The following OR2L13 variants were observed in gnomAD, a reference collection of about 807,000 sequenced individuals.
The protein encoded by OR2L13 is olfactory receptor family 2 subfamily L member 13, also known as olfactory receptor 2L13.
In OR2L13, 14 loss-of-function variants were observed where a neutral mutation model predicts 15.3. The ratio of observed to expected loss-of-function variants is 0.91; its 90% CI spans 0.60 to 1.43. OR2L13 has a LOEUF of 1.43. Ranked by LOEUF, OR2L13 falls within the 40% of genes most tolerant of loss-of-function variation. The pLI is 0.00. For synonymous variants in OR2L13, 152 were observed against 142.9 expected (o/e 1.06, Z -0.45); for missense variants, 367 against 387.9 (o/e 0.95, Z 0.45).
the OR2L13 span, among the ~76,000 whole-genome samples, chr1:248,032,841 T>C: frequency 6.6e-6 from 1 of 152,248 alleles, no homozygotes; most frequent in African/African-American, 2.4e-5. Context: ...TTGTGTGTCT[T>C]GTTTCTGTGG....
At chr1:248,029,019 G>A in the OR2L13 span, 12 of 152,204 alleles carry the variant, frequency 7.9e-5, 1 homozygote, top group Admixed American at 5.9e-4. Context: ...TTGAAACATC[G>A]GTACACTTGG....
the OR2L13 span, among the ~76,000 whole-genome samples, chr1:248,008,755 C>T: frequency 6.6e-6 from 1 of 152,148 alleles, no homozygotes; most frequent in African/African-American, 2.4e-5. Flanking sequence ...CAATACATTG[C>T]ACTTATTCTA....
chr1:248,061,593 T>G, the OR2L13 span: 2 of 1,612,418 alleles, frequency 1.2e-6, no homozygotes, highest in Non-Finnish European at 1.7e-6. Flanking sequence ...CACGAGTGAG[T>G]CAGAGAATCT....
At chr1:247,949,079 C>G in the OR2L13 span, 1 of 1,613,972 alleles carries the variant, frequency 6.2e-7, no homozygotes, top group Non-Finnish European at 8.5e-7. Context: ...ATTACATCTC[C>G]ACCATTGTTC....
the OR2L13 span, among the ~76,000 whole-genome samples, chr1:248,063,862 G>T: frequency 6.6e-6 from 1 of 152,182 alleles, no homozygotes; most frequent in Non-Finnish European, 1.5e-5. Flanking sequence ...CGTGGGTGTT[G>T]CCTTAGCCCC....
At chr1:248,084,743 A>C in the OR2L13 span, 1 of 1,267,616 alleles carries the variant, frequency 7.9e-7, no homozygotes, top group South Asian at 1.5e-5. Flanking sequence ...TCTCAGACAC[A>C]GATGGTCTCA....
At chr1:247,949,582 C>T in the OR2L13 span, 4 of 1,614,062 alleles carry the variant, frequency 2.5e-6, no homozygotes, top group East Asian at 2.2e-5. Flanking sequence ...ACCTGCAGCA[C>T]CCACCTCACT....
chr1:248,067,626 A>G, the OR2L13 span, among the ~76,000 whole-genome samples: 1 of 152,174 alleles, frequency 6.6e-6, no homozygotes, highest in Non-Finnish European at 1.5e-5. Context: ...CTCACTAGGG[A>G]GTGCCAGACA....
At chr1:248,008,675 G>T in the OR2L13 span, among the ~76,000 whole-genome samples, 1 of 151,990 alleles carries the variant, frequency 6.6e-6, no homozygotes, top group Non-Finnish European at 1.5e-5. Context: ...CTCAGCTCTG[G>T]ACCAAGCAAA....
At chr1:247,986,271 C>G in the OR2L13 span, among the ~76,000 whole-genome samples, 2 of 152,246 alleles carry the variant, frequency 1.3e-5, no homozygotes, top group East Asian at 3.9e-4. Context: ...TTTAATCCAT[C>G]TTGAATTAAT....
At chr1:247,953,844 C>T in the OR2L13 span, among the ~76,000 whole-genome samples, 4 of 152,136 alleles carry the variant, frequency 2.6e-5, no homozygotes, top group Non-Finnish European at 5.9e-5. Flanking sequence ...AATAAACTAC[C>T]AGAATTAACT....
chr1:248,094,138 A>G (rs1204570118), upstream of OR2L13, among the ~76,000 whole-genome samples: 2 of 152,206 alleles, frequency 1.3e-5, no homozygotes, highest in Non-Finnish European at 2.9e-5. Context: ...TTATTTGCTC[A>G]TTACACATTG....
chr1:248,043,146 G>A, the OR2L13 span, among the ~76,000 whole-genome samples: 8 of 151,974 alleles, frequency 5.3e-5, no homozygotes, highest in African/African-American at 9.7e-5. Flanking sequence ...ATTTGCACCC[G>A]CCCTGCTGCT....
At chr1:247,964,458 C>T in the OR2L13 span, among the ~76,000 whole-genome samples, 1 of 152,122 alleles carries the variant, frequency 6.6e-6, no homozygotes, top group African/African-American at 2.4e-5. Context: ...GAAATTTGCA[C>T]TCTATTGGAA....
chr1:247,969,252 G>T, the OR2L13 span, among the ~76,000 whole-genome samples: 10 of 151,088 alleles, frequency 6.6e-5, no homozygotes, highest in Admixed American at 2.0e-4. Context: ...TTAGCCCTTT[G>T]TCAGATGGGT....
chr1:247,996,994 C>T, the OR2L13 span: 1 of 152,194 alleles, frequency 6.6e-6, no homozygotes, highest in Admixed American at 6.6e-5. Context: ...ATTAATATAT[C>T]AAATTGGCTG....
the OR2L13 span, among the ~76,000 whole-genome samples, chr1:248,036,030 A>G: frequency 2.0e-5 from 3 of 152,132 alleles, no homozygotes; most frequent in East Asian, 5.8e-4. Flanking sequence ...AGAAGACAGA[A>G]TTTTCATGAA....
chr1:247,980,683 A>T, the OR2L13 span, among the ~76,000 whole-genome samples: 1 of 152,216 alleles, frequency 6.6e-6, no homozygotes. Context: ...CTCAGTGGAC[A>T]TTCCCCGGTG....
chr1:248,071,972 A>G, the OR2L13 span, among the ~76,000 whole-genome samples: 6 of 151,638 alleles, frequency 4.0e-5, no homozygotes, highest in Non-Finnish European at 8.9e-5. Context: ...TCAATGAAAT[A>G]AAAGAGGATA....
Sources: gnomAD v4.1 joint callset for allele counts (sites outside exome capture counted in the v4.1 genomes callset) on GRCh38, gnomAD v4.1.1 for gene constraint, MANE v1.5 for transcripts, NCBI Gene and HGNC (gene_info 2026-07-23, HGNC 2026-07-21) for gene names.